CAGE1: variants seen among roughly 807,000 people sequenced by gnomAD.
CAGE1 encodes the protein cancer-associated gene 1 protein.
Under a neutral mutation model 94.9 loss-of-function variants are expected in CAGE1, and 66 were observed. The observed-to-expected ratio is 0.70, with a 90% CI of 0.57 to 0.85. The LOEUF is 0.85. CAGE1 is among the 40% of genes least tolerant of loss of function. The probability of loss-of-function intolerance (pLI) is 0.00; values close to 1 mark genes in which losing one functional copy is unlikely to be tolerated. For synonymous variants in CAGE1, 319 were observed against 321.0 expected (o/e 0.99, Z 0.07); for missense variants, 865 against 950.4 (o/e 0.91, Z 1.18).
In CAGE1 at chr6:7,358,065, T is replaced by TATATATATATAC. The variant is rs1257084432; in HGVS notation, c.2194-1937_2194-1936insGTATATATATAT. Among the ~76,000 whole-genome samples, 124 of 114,068 alleles carry TATATATATATAC rather than the reference T, an allele frequency of 1.1e-3. 1 individual carries two copies. Among genetic ancestry groups the TATATATATATAC allele is most frequent in the African/African-American group, 4.4e-3 (119 of 26,754 alleles). 74.8% of individuals were successfully genotyped at this position (114,068 alleles called of 152,430 possible). A position where few individuals can be genotyped will look rare whatever the true frequency, so the allele number is the denominator to read the frequency against. On this transcript the variant is annotated intron_variant, in intron 9 of 13. Transcript: ENST00000502583. ...ATATATATATATATATATATATATA[T>TATATATATATAC]ATATATGCCTCCAAAACCATCACCA...
intron 11 of CAGE1, chr6:7,347,553 T>C (rs1027680325): frequency 6.7e-6 from 1 of 148,478 alleles, no homozygotes; most frequent in Non-Finnish European, 1.5e-5. Context: ...ACAATTTGAA[T>C]TGAGCAAGAA....
chr6:7,380,822 A>G (rs1019686467), intron 3 of CAGE1, among the ~76,000 whole-genome samples: 2 of 152,156 alleles, frequency 1.3e-5, no homozygotes, highest in African/African-American at 4.8e-5. Flanking sequence ...CTTCTATGCC[A>G]ATGTAAAAAC....
intron 11 of CAGE1, 55 bp downstream of exon 11, chr6:7,354,986 A>G: frequency 1.6e-6 from 2 of 1,238,884 alleles, no homozygotes; most frequent in Middle Eastern, 1.9e-4. Context: ...TAGAATCCAG[A>G]GAATAAGGTA....
At chr6:7,350,598 C>G (rs1398658262) in intron 11 of CAGE1, among the ~76,000 whole-genome samples, 3 of 152,080 alleles carry the variant, frequency 2.0e-5, no homozygotes, top group Non-Finnish European at 4.4e-5. Context: ...GAAATCAACT[C>G]CAAAAGGAAC....
At position 7,373,525 on chromosome 6, in the gene CAGE1, T is replaced by G. The variant is rs781228739; in HGVS notation, c.1294A>C (p.Asn432His). The G allele has an allele frequency of 1.9e-6, 3 of 1,613,638 alleles. No homozygotes were observed. Among genetic ancestry groups the G allele is most frequent in the Non-Finnish European group, 2.5e-6 (3 of 1,179,850 alleles). ...TCTAAATACTGACTTACAGATTTAT[T>G]TTTTTGTTGCATTTCAGTCATGTAC... ...ERYMTEMQQK[N>H]KSVSQYLEMD... is the part of the protein sequence containing the mutation. Residue 432 changes from asparagine to histidine, a missense_variant, in exon 5 of 14, where the codon AAT (asparagine) becomes CAT (histidine). Physicochemically the swap from Asn to His is moderately conservative, Grantham distance 68 (BLOSUM62 1). Transcript: ENST00000502583.
rs1201911524 is a variant in CAGE1 at position 7,334,105 on chromosome 6, A to G, written c.2370-15T>C. On this transcript the variant is annotated splice_polypyrimidine_tract_variant and intron_variant, in intron 11 of 13. Coordinates refer to ENST00000502583, the MANE Select transcript of CAGE1 (RefSeq NM_001170692.2). Reference sequence around the variant, plus strand: ...TCTCTTCCAAACTGAAAGAAGAAACAATTGAATTTTATGACTAAAATGGAC... The same window carrying G: ...TCTCTTCCAAACTGAAAGAAGAAACGATTGAATTTTATGACTAAAATGGAC... 5 of 1,476,776 alleles carry G rather than the reference A, an allele frequency of 3.4e-6. No homozygotes were observed. The African/African-American group carries it at 7.0e-5, about 21-fold the overall frequency. The allele number at this position is 1,476,776 out of a possible 1,614,324, so 91.5% of individuals were successfully genotyped here.
chr6:7,341,568 C>T (rs1759177092), intron 11 of CAGE1: 2 of 1,154,316 alleles, frequency 1.7e-6, no homozygotes, highest in African/African-American at 1.5e-5. Flanking sequence ...TCCTCTCAGG[C>T]CTAGCTTTAA....
At chr6:7,345,084 C>T (rs181007840) in intron 11 of CAGE1, among the ~76,000 whole-genome samples, 69 of 151,862 alleles carry the variant, frequency 4.5e-4, no homozygotes, top group Admixed American at 5.9e-4. Context: ...GTTCTTTCAC[C>T]CTGCAGTAAA....
intron 11 of CAGE1, among the ~76,000 whole-genome samples, chr6:7,344,194 C>A (rs1391132726): frequency 6.6e-6 from 1 of 152,234 alleles, no homozygotes; most frequent in Non-Finnish European, 1.5e-5. Context: ...AGCTGGCTCC[C>A]TCAGCTTGCA....
chr6:7,385,057 G>A (rs1453894643), intron 3 of CAGE1, among the ~76,000 whole-genome samples: 1 of 152,008 alleles, frequency 6.6e-6, no homozygotes, highest in Non-Finnish European at 1.5e-5. Context: ...CCAGGCTGGA[G>A]CGCAATGGTG....
At chr6:7,369,641 C>T (rs984649047) in intron 6 of CAGE1, among the ~76,000 whole-genome samples, 13 of 152,184 alleles carry the variant, frequency 8.5e-5, no homozygotes, top group African/African-American at 3.1e-4. Flanking sequence ...TCTGGGAGGG[C>T]ATCGCTGAAA....
intron 5 of CAGE1, among the ~76,000 whole-genome samples, chr6:7,372,417 G>A (rs112409666): frequency 2.7e-5 from 4 of 148,230 alleles, no homozygotes; most frequent in African/African-American, 1.0e-4. Context: ...GTTGCAGTGA[G>A]CCAAGATCGT....
At chr6:7,338,122 T>C (rs1024803946) in intron 11 of CAGE1, among the ~76,000 whole-genome samples, 2 of 152,236 alleles carry the variant, frequency 1.3e-5, no homozygotes, top group African/African-American at 4.8e-5. Flanking sequence ...TGCTAGTATA[T>C]AAAAATACTA....
At chr6:7,363,557 A>G (rs142455556) in intron 9 of CAGE1, among the ~76,000 whole-genome samples, 97 of 152,214 alleles carry the variant, frequency 6.4e-4, no homozygotes, top group African/African-American at 2.3e-3. Flanking sequence ...AGTTCTCCAC[A>G]TTCAGGATTT....
chr6:7,376,355 CT>C (rs1381818206), intron 4 of CAGE1, among the ~76,000 whole-genome samples: 2 of 151,722 alleles, frequency 1.3e-5, no homozygotes, highest in African/African-American at 4.8e-5. Flanking sequence ...TGCCACTGCA[CT>C]GCAGCCTGGG....
At position 7,339,510 on chromosome 6, in the gene CAGE1, T is replaced by G; in HGVS notation, c.2370-5420A>C. 1.2e-6 allele frequency: 1 copy of G among 819,984 alleles called. No homozygotes were observed. Among genetic ancestry groups the G allele is most frequent in the Non-Finnish European group, 2.2e-6 (1 of 455,602 alleles). 50.8% of individuals were successfully genotyped at this position (819,984 alleles called of 1,614,324 possible). A position where few individuals can be genotyped will look rare whatever the true frequency, so the allele number is the denominator to read the frequency against. The stretch of plus-strand genomic sequence containing the variant: ...CTCCTGAGTAAGAAACTCATTCATT[T>G]CAGCTTAGAAGATGCCATCAGTGAC... On this transcript the variant is annotated intron_variant, in intron 11 of 13. Coordinates refer to ENST00000502583, the MANE Select transcript of CAGE1 (RefSeq NM_001170692.2). This position sits in a 1 kb window ranked among gnomAD's most constrained non-coding sequence, Gnocchi z 4.7.
intron 4 of CAGE1, among the ~76,000 whole-genome samples, chr6:7,374,693 A>G (rs565674596): frequency 2.0e-4 from 30 of 152,274 alleles, no homozygotes; most frequent in Admixed American, 1.9e-3. Flanking sequence ...AACATGCCTC[A>G]TGATTGACTT....
intron 3 of CAGE1, among the ~76,000 whole-genome samples, chr6:7,384,664 T>A (rs1441677530): frequency 6.6e-6 from 1 of 152,018 alleles, no homozygotes; most frequent in East Asian, 1.9e-4. Flanking sequence ...ATAGCTTTCA[T>A]CTGTCAATTT....
intron 3 of CAGE1, among the ~76,000 whole-genome samples, chr6:7,382,947 A>G (rs953109596): frequency 6.6e-6 from 1 of 152,138 alleles, no homozygotes; most frequent in Non-Finnish European, 1.5e-5. Flanking sequence ...CTGTTGTCAC[A>G]AAGGCATTTG....
Sources: gnomAD v4.1 joint callset for allele counts (sites outside exome capture counted in the v4.1 genomes callset) on GRCh38, gnomAD v4.1.1 for gene constraint, Gnocchi (gnomAD v3.1) non-coding constraint, MANE v1.5 for transcripts, NCBI Gene and HGNC (gene_info 2026-07-23, HGNC 2026-07-21) for gene names.